FSTL4: variants seen among roughly 807,000 people sequenced by gnomAD.
FSTL4 encodes the protein follistatin like 4, also known as follistatin-related protein 4.
FSTL4 carries 28 observed loss-of-function variants against 78.2 expected under a neutral mutation model. The observed-to-expected ratio is 0.36, with a 90% CI of 0.27 to 0.49. FSTL4 has a LOEUF of 0.49. FSTL4 is among the 20% of genes least tolerant of loss of function. The pLI, the probability that FSTL4 is intolerant of heterozygous loss-of-function variation, is 0.98. For synonymous variants in FSTL4, 422 were observed against 440.5 expected (o/e 0.96, Z 0.53); for missense variants, 922 against 1,084.9 (o/e 0.85, Z 2.11).
intron 3 of FSTL4, among the ~76,000 whole-genome samples, chr5:133,471,213 G>A (rs759909431): frequency 7.9e-5 from 12 of 151,872 alleles, no homozygotes; most frequent in Admixed American, 1.3e-4. Flanking sequence ...TTTAACTACC[G>A]CGTCTTTGTG....
chr5:133,715,837 C>G, the FSTL4 span, among the ~76,000 whole-genome samples: 1 of 152,326 alleles, frequency 6.6e-6, no homozygotes, highest in Admixed American at 6.5e-5. Flanking sequence ...CCTGCTAAAC[C>G]TGGGCTGCTT....
At chr5:133,551,616 C>T (rs529606408) in intron 3 of FSTL4, among the ~76,000 whole-genome samples, 11 of 152,320 alleles carry the variant, frequency 7.2e-5, no homozygotes, top group Non-Finnish European at 1.6e-4. Flanking sequence ...AGAGAACACA[C>T]CACATTTATT....
chr5:133,726,873 A>C, the FSTL4 span, among the ~76,000 whole-genome samples: 1 of 152,218 alleles, frequency 6.6e-6, no homozygotes, highest in Non-Finnish European at 1.5e-5. Context: ...GCATATCGCC[A>C]CTTCACATGC....
the FSTL4 span, among the ~76,000 whole-genome samples, chr5:133,832,212 C>T: frequency 2.6e-5 from 4 of 152,176 alleles, no homozygotes; most frequent in Non-Finnish European, 4.4e-5. Flanking sequence ...GATAAGACTC[C>T]AAAGTGATTA....
chr5:133,428,402 G>A (rs1277535380), intron 3 of FSTL4, among the ~76,000 whole-genome samples: 1 of 152,198 alleles, frequency 6.6e-6, no homozygotes, highest in Admixed American at 6.5e-5. Context: ...ACTGGACCAT[G>A]GGTAGGGGCT....
chr5:133,285,681 GAGTC>G (rs1561657028), intron 6 of FSTL4, among the ~76,000 whole-genome samples: 2 of 152,184 alleles, frequency 1.3e-5, no homozygotes, highest in Non-Finnish European at 2.9e-5. Flanking sequence ...CCCAGCTGTG[GAGTC>G]AGTCAGTCAC....
chr5:133,596,332 C>A (rs1205253952), intron 2 of FSTL4, among the ~76,000 whole-genome samples: 1 of 152,338 alleles, frequency 6.6e-6, no homozygotes, highest in African/African-American at 2.4e-5. Context: ...AGGCCAACTC[C>A]CTCACAGGTG....
At chr5:133,761,264 C>CCA in the FSTL4 span, among the ~76,000 whole-genome samples, 8 of 152,156 alleles carry the variant, frequency 5.3e-5, no homozygotes, top group East Asian at 1.2e-3. Context: ...TTCGAAGACT[C>CCA]CATAAAGAAG....
the FSTL4 span, among the ~76,000 whole-genome samples, chr5:133,628,692 A>G: frequency 1.3e-5 from 2 of 152,112 alleles, no homozygotes; most frequent in Non-Finnish European, 2.9e-5. Flanking sequence ...GGATTAGCTA[A>G]ATAGATAGGC....
At chr5:133,557,584 C>A (rs956640204) in intron 3 of FSTL4, among the ~76,000 whole-genome samples, 1 of 152,202 alleles carries the variant, frequency 6.6e-6, no homozygotes, top group Non-Finnish European at 1.5e-5. Flanking sequence ...TGAGTCTGTC[C>A]AATCCCAGTG....
At chr5:133,352,385 T>TAC (rs1218043419) in intron 4 of FSTL4, among the ~76,000 whole-genome samples, 2 of 150,412 alleles carry the variant, frequency 1.3e-5, no homozygotes, top group Non-Finnish European at 2.9e-5. Flanking sequence ...TATATATATA[T>TAC]ACACACACAT....
At chr5:133,600,168 TCAGTA>T (rs988503342) in intron 2 of FSTL4, among the ~76,000 whole-genome samples, 2 of 152,198 alleles carry the variant, frequency 1.3e-5, no homozygotes, top group African/African-American at 2.4e-5. Flanking sequence ...TTTGTCACTT[TCAGTA>T]CAGTATTCAA....
chr5:133,332,295 G>T (rs571120603), intron 4 of FSTL4, among the ~76,000 whole-genome samples: 4 of 152,186 alleles, frequency 2.6e-5, no homozygotes, highest in African/African-American at 9.7e-5. Flanking sequence ...CACACACTGC[G>T]CAATGACTCC....
At chr5:133,530,578 T>TAA (rs1194202877) in intron 3 of FSTL4, among the ~76,000 whole-genome samples, 1 of 152,224 alleles carries the variant, frequency 6.6e-6, no homozygotes, top group African/African-American at 2.4e-5. Flanking sequence ...AGGAAGAAGA[T>TAA]AAGACACAGG....
intron 3 of FSTL4, among the ~76,000 whole-genome samples, chr5:133,423,649 G>C (rs1041677371): frequency 2.6e-5 from 4 of 152,298 alleles, no homozygotes; most frequent in Admixed American, 2.0e-4. Context: ...GGAGGCAATG[G>C]TAGTGGTGAC....
Position 133,223,983 on chromosome 5 carries a change from G to C in FSTL4, c.1339+207C>G, listed in dbSNP as rs948036819. The C allele has an allele frequency of 1.6e-5, 8 of 514,330 alleles. No homozygotes were observed. The Admixed American group carries it at 2.2e-4, about 14-fold the overall frequency. The allele number at this position is 514,330 out of a possible 1,614,324, so 31.9% of individuals were successfully genotyped here. On this transcript the variant is annotated intron_variant, in intron 11 of 15. Coordinates refer to ENST00000265342, the MANE Select transcript of FSTL4 (RefSeq NM_015082.2). ...AGGTTACAAGCCACTTTTAATGAAA[G>C]CTTTGCATTTAAAAATTTCTCATTA...
the FSTL4 span, among the ~76,000 whole-genome samples, chr5:133,686,795 A>G: frequency 1.3e-5 from 2 of 152,242 alleles, no homozygotes; most frequent in Admixed American, 1.3e-4. Context: ...TGATCTGTGC[A>G]TCAGGAATTA....
chr5:133,313,239 A>G (rs1012126681), intron 5 of FSTL4, among the ~76,000 whole-genome samples: 1 of 152,092 alleles, frequency 6.6e-6, no homozygotes, highest in African/African-American at 2.4e-5. Flanking sequence ...TGCATCATGC[A>G]CCCACCCATC....
chr5:133,491,632 G>A (rs1007846238), intron 3 of FSTL4, among the ~76,000 whole-genome samples: 1 of 151,992 alleles, frequency 6.6e-6, no homozygotes, highest in African/African-American at 2.4e-5. Context: ...TCAATCTCCT[G>A]ACCTCGTGAT....
Sources: gnomAD v4.1 joint callset for allele counts (sites outside exome capture counted in the v4.1 genomes callset) on GRCh38, gnomAD v4.1.1 for gene constraint, MANE v1.5 for transcripts, NCBI Gene and HGNC (gene_info 2026-07-23, HGNC 2026-07-21) for gene names.